The following KCNH1 variants were observed in gnomAD, a reference collection of about 807,000 sequenced individuals.
KCNH1 encodes the protein voltage-gated delayed rectifier potassium channel KCNH1.
Under a neutral mutation model 69.2 loss-of-function variants are expected in KCNH1, and 27 were observed. That is an observed-to-expected ratio of 0.39 (90% CI 0.29 to 0.54). KCNH1 has a LOEUF of 0.54. Ranked by LOEUF, KCNH1 falls within the 20% of genes least tolerant of loss-of-function variation. The pLI, the probability that KCNH1 is intolerant of heterozygous loss-of-function variation, is 0.68. For missense variants in KCNH1, 798 were observed against 1,261.6 expected (o/e 0.63, Z 5.57); for synonymous variants, 456 against 487.7 (o/e 0.93, Z 0.86).
Position 211,134,000 on chromosome 1 carries a change from AGGAAACTGGCCTCGGGGCC to A in KCNH1, c.-74_-56del. The A allele has an allele frequency of 6.6e-7, 1 of 1,509,242 alleles. No homozygotes were observed. 93.5% of individuals were successfully genotyped at this position (1,509,242 alleles called of 1,614,324 possible). On this transcript the variant is annotated 5_prime_UTR_variant, in exon 1 of 11. An upstream open reading frame in the 5' UTR loses its in-frame stop. Coordinates refer to ENST00000271751, the MANE Select transcript of KCNH1 (RefSeq NM_172362.3). This position sits in a 1 kb window ranked among gnomAD's most constrained non-coding sequence, Gnocchi z 5.4. Reference sequence around the variant, plus strand: ...TCCTGGCGCGGCTTCTTACGACAGCAGGAAACTGGCCTCGGGGCCCGCACGCAGTCCCGGCTCGAAGCGC... The same window carrying A: ...TCCTGGCGCGGCTTCTTACGACAGCACGCACGCAGTCCCGGCTCGAAGCGC...
chr1:211,105,306 G>A (rs1213450943), intron 2 of KCNH1, among the ~76,000 whole-genome samples: 1 of 152,234 alleles, frequency 6.6e-6, no homozygotes, highest in African/African-American at 2.4e-5. Context: ...TTTAAATGAA[G>A]TGATGGTATA....
intron 10 of KCNH1, among the ~76,000 whole-genome samples, chr1:210,775,066 G>C (rs186480650): frequency 6.9e-4 from 105 of 152,128 alleles, no homozygotes; most frequent in African/African-American, 2.5e-3. Flanking sequence ...AATGCTAGCA[G>C]GTCTAGATAT....
chr1:210,966,226 A>C (rs529288460), intron 6 of KCNH1, among the ~76,000 whole-genome samples: 1 of 152,288 alleles, frequency 6.6e-6, no homozygotes, highest in African/African-American at 2.4e-5. Context: ...CTTATACAAA[A>C]ATTAACTCGA....
At chr1:210,902,004 T>C (rs538586536) in intron 7 of KCNH1, among the ~76,000 whole-genome samples, 2 of 152,264 alleles carry the variant, frequency 1.3e-5, no homozygotes, top group Admixed American at 6.5e-5. Flanking sequence ...TGCTAAAAGC[T>C]GGCCTCACTA....
intron 10 of KCNH1, 32 bp from the exon 11 acceptor site, chr1:210,684,170 G>T (rs370519764): frequency 1.3e-6 from 2 of 1,487,026 alleles, no homozygotes; most frequent in Non-Finnish European, 1.8e-6. Context: ...ATGACATGGC[G>T]TGTTAGCCAC....
chr1:210,973,438 T>C (rs764273329), intron 6 of KCNH1, among the ~76,000 whole-genome samples: 6 of 152,184 alleles, frequency 3.9e-5, no homozygotes, highest in Non-Finnish European at 8.8e-5. Flanking sequence ...TCATGTCAAC[T>C]GAACATTTCA....
chr1:211,079,739 C>T (rs1366865804), intron 5 of KCNH1, among the ~76,000 whole-genome samples: 1 of 152,160 alleles, frequency 6.6e-6, no homozygotes, highest in Non-Finnish European at 1.5e-5. Context: ...TCCATAGATG[C>T]AGAAAAGGCC....
rs1215285842 is a variant in KCNH1, at chr1:210,919,181, T to G, written c.1462+459A>C. On this transcript the variant is annotated intron_variant, in intron 7 of 10. Transcript: ENST00000271751. The surrounding 1 kb of genome is among the most constrained non-coding windows in gnomAD (Gnocchi z 4.2). Reference sequence around the variant, plus strand: ...TGCTTTGCTGTCATAATCATTTCACTATATCAAAATCTCATTTCATACTTT... The same window carrying G: ...TGCTTTGCTGTCATAATCATTTCACGATATCAAAATCTCATTTCATACTTT... 6.4e-6 allele frequency: 1 copy of G among 155,448 alleles called. No individual in the cohort carries two copies. Among genetic ancestry groups the G allele is most frequent in the Admixed American group, 6.2e-5 (1 of 16,106 alleles). The allele number at this position is 155,448 out of a possible 1,614,324, so 9.6% of individuals were successfully genotyped here.
intron 10 of KCNH1, among the ~76,000 whole-genome samples, chr1:210,693,383 GTTC>G (rs3067943): frequency 0.047 from 7,219 of 152,206 alleles, 249 homozygotes; most frequent in Non-Finnish European, 0.073. Context: ...TTCCCACCTA[GTTC>G]TTCTTCAGTG....
chr1:210,759,988 G>T (rs1206569741), intron 10 of KCNH1, among the ~76,000 whole-genome samples: 2 of 152,128 alleles, frequency 1.3e-5, no homozygotes, highest in Non-Finnish European at 2.9e-5. Flanking sequence ...ATCAGCAGTG[G>T]CATTGGATTC....
rs1648965401 is a variant in KCNH1, at chr1:211,133,299, T to A, written c.79+568A>T. ...AGCCTTAACTTCACCTAGAAAGTGG[T>A]GGGTGGGTGAAGGGGTGGAATCAGG... On this transcript the variant is annotated intron_variant, in intron 1 of 10. Transcript: ENST00000271751. This position sits in a 1 kb window ranked among gnomAD's most constrained non-coding sequence, Gnocchi z 5.4. 2 of 151,774 alleles carry A rather than the reference T, an allele frequency of 1.3e-5. No homozygotes were observed. The highest frequency in any genetic ancestry group is 4.2e-4 in the South Asian group (2 of 4,794). The allele number at this position is 151,774 out of a possible 1,614,324, so 9.4% of individuals were successfully genotyped here. A position where few individuals can be genotyped will look rare whatever the true frequency, so the allele number is the denominator to read the frequency against.
intron 6 of KCNH1, among the ~76,000 whole-genome samples, chr1:210,935,509 T>C (rs1278006756): frequency 1.3e-5 from 2 of 152,288 alleles, no homozygotes; most frequent in East Asian, 1.9e-4. Flanking sequence ...AAAGAGTTCC[T>C]AGCACAAAGA....
chr1:210,966,976 C>G (rs535522289), intron 6 of KCNH1, among the ~76,000 whole-genome samples: 1 of 152,252 alleles, frequency 6.6e-6, no homozygotes, highest in South Asian at 2.1e-4. Context: ...AAATGCCCAT[C>G]AATGATAGAC....
intron 5 of KCNH1, among the ~76,000 whole-genome samples, chr1:211,070,141 C>T (rs1311285823): frequency 2.6e-5 from 4 of 152,190 alleles, no homozygotes; most frequent in African/African-American, 4.8e-5. Flanking sequence ...ACCACAAAAA[C>T]GGCTGGGGGG....
At chr1:210,815,524 T>G (rs1057238210) in intron 7 of KCNH1, among the ~76,000 whole-genome samples, 13 of 152,130 alleles carry the variant, frequency 8.5e-5, no homozygotes, top group Admixed American at 8.5e-4. Context: ...GGTTTAATTA[T>G]TTTTTTCTCT....
At chr1:210,954,665 C>G (rs969729529) in intron 6 of KCNH1, among the ~76,000 whole-genome samples, 11 of 152,158 alleles carry the variant, frequency 7.2e-5, no homozygotes, top group African/African-American at 1.7e-4. Context: ...GTGATGATGA[C>G]CATTTTTTCA....
intron 7 of KCNH1, among the ~76,000 whole-genome samples, chr1:210,905,414 C>G (rs1386819567): frequency 6.6e-6 from 1 of 152,150 alleles, no homozygotes; most frequent in African/African-American, 2.4e-5. Context: ...CATCCTGGTA[C>G]TGTCAAGTAC....
At chr1:210,998,530 C>A (rs1344418666) in intron 6 of KCNH1, among the ~76,000 whole-genome samples, 2 of 152,172 alleles carry the variant, frequency 1.3e-5, no homozygotes. Context: ...GAGAGATCTA[C>A]AAAGAGACTT....
chr1:211,089,398 T>A (rs1408851025), intron 4 of KCNH1, among the ~76,000 whole-genome samples: 1 of 152,182 alleles, frequency 6.6e-6, no homozygotes, highest in Non-Finnish European at 1.5e-5. Context: ...GCTGCAGTCT[T>A]AAAACCAAAA....
Sources: gnomAD v4.1 joint callset for allele counts (sites outside exome capture counted in the v4.1 genomes callset) on GRCh38, gnomAD v4.1.1 for gene constraint, Gnocchi (gnomAD v3.1) non-coding constraint, MANE v1.5 for transcripts, NCBI Gene and HGNC (gene_info 2026-07-23, HGNC 2026-07-21) for gene names.